Variants in ETS1 observed in about 807,000 individuals in gnomAD.
The protein encoded by ETS1 is ETS proto-oncogene 1, transcription factor.
A neutral mutation model predicts 58.6 loss-of-function variants in ETS1; 15 were observed. The ratio of observed to expected loss-of-function variants is 0.26; its 90% CI spans 0.17 to 0.39. The LOEUF (loss-of-function observed/expected upper bound fraction) is 0.39. Ranked by LOEUF, ETS1 falls within the 10% of genes least tolerant of loss-of-function variation. ETS1 has a pLI of 1.00. For missense variants in ETS1, 417 were observed against 610.5 expected (o/e 0.68, Z 3.34); for synonymous variants, 214 against 218.2 (o/e 0.98, Z 0.17).
intron 3 of ETS1, among the ~76,000 whole-genome samples, chr11:128,533,529 C>T (rs1484574820): frequency 6.6e-6 from 1 of 152,236 alleles, no homozygotes; most frequent in East Asian, 1.9e-4. Flanking sequence ...GGACCCTGCT[C>T]TCTGACAATC....
In ETS1 at chr11:128,547,823, C is replaced by T. The variant is rs546849339; in HGVS notation, c.214+8468G>A. Among the ~76,000 whole-genome samples, 6 of 152,016 alleles carry T rather than the reference C, an allele frequency of 3.9e-5. No homozygotes were observed. In the South Asian group the frequency reaches 1.2e-3, roughly 32 times the overall value. On this transcript the variant is annotated intron_variant, in intron 3 of 9. Coordinates refer to ENST00000392668, the MANE Select transcript of ETS1 (RefSeq NM_001143820.2). ...AATAGGGATGATGGGGAGGGTGTGG[C>T]CAACTGACTAGATCAAGATGTGGGG...
intron 3 of ETS1, chr11:128,522,014 G>T (rs764293269): frequency 1.3e-6 from 2 of 1,571,960 alleles, no homozygotes; most frequent in East Asian, 2.4e-5. Context: ...AGTGGGGGAC[G>T]TACGGGATGG....
intron 3 of ETS1, among the ~76,000 whole-genome samples, chr11:128,495,127 C>G (rs560880854): frequency 8.5e-4 from 129 of 152,264 alleles, no homozygotes; most frequent in African/African-American, 3.0e-3. Flanking sequence ...GTCCCCATTT[C>G]ACAGATGAGG....
At chr11:128,471,205 C>T (rs569859903) in intron 8 of ETS1, among the ~76,000 whole-genome samples, 1 of 152,334 alleles carries the variant, frequency 6.6e-6, no homozygotes, top group African/African-American at 2.4e-5. Flanking sequence ...GTCCAGCCAT[C>T]AGGGCCCAAG....
chr11:128,529,353 G>A (rs557922598), intron 3 of ETS1, among the ~76,000 whole-genome samples: 28 of 152,282 alleles, frequency 1.8e-4, no homozygotes, highest in African/African-American at 4.8e-4. Flanking sequence ...GGGACATGGG[G>A]ATGGGCTGAG....
chr11:128,506,816 T>C (rs532961810), intron 3 of ETS1, among the ~76,000 whole-genome samples: 91 of 152,264 alleles, frequency 6.0e-4, no homozygotes, highest in African/African-American at 2.0e-3. Context: ...GGACCACTTA[T>C]GTGAGGACTA....
intron 8 of ETS1, among the ~76,000 whole-genome samples, chr11:128,471,329 C>G (rs1862182370): frequency 6.6e-6 from 1 of 152,230 alleles, no homozygotes; most frequent in South Asian, 2.1e-4. Context: ...GAGAACAAGA[C>G]AGTTACACAT....
intron 3 of ETS1, among the ~76,000 whole-genome samples, chr11:128,521,567 C>T (rs1863670131): frequency 6.6e-6 from 1 of 152,170 alleles, no homozygotes; most frequent in South Asian, 2.1e-4. Flanking sequence ...TCCATCTCCC[C>T]TTAACATTAA....
chr11:128,497,923 T>G (rs1355378057), intron 3 of ETS1, among the ~76,000 whole-genome samples: 1 of 148,608 alleles, frequency 6.7e-6, no homozygotes, highest in Admixed American at 6.6e-5. Flanking sequence ...AGCTAAATTT[T>G]CTCGCTCATT....
At chr11:128,575,056 C>T (rs1272183755) in intron 1 of ETS1, among the ~76,000 whole-genome samples, 4 of 152,202 alleles carry the variant, frequency 2.6e-5, no homozygotes, top group African/African-American at 9.7e-5. Context: ...CAAGGATCTC[C>T]TGAGTCCTCA....
chr11:128,518,619 C>T (rs1863584992), intron 3 of ETS1, among the ~76,000 whole-genome samples: 1 of 152,204 alleles, frequency 6.6e-6, no homozygotes, highest in Admixed American at 6.5e-5. Flanking sequence ...GCTCCAGAGT[C>T]TCTGCTCTGA....
chr11:128,536,017 A>T (rs1863967939), intron 3 of ETS1, among the ~76,000 whole-genome samples: 1 of 152,238 alleles, frequency 6.6e-6, no homozygotes, highest in Non-Finnish European at 1.5e-5. Context: ...ATAATGGATT[A>T]AAAGCTGTAA....
intron 3 of ETS1, among the ~76,000 whole-genome samples, chr11:128,491,838 G>C (rs1469619340): frequency 6.6e-6 from 1 of 152,226 alleles, no homozygotes; most frequent in Non-Finnish European, 1.5e-5. Context: ...TAGTGAAGAA[G>C]AGTGAGGCAT....
chr11:128,503,653 A>G (rs1269109438), intron 3 of ETS1, among the ~76,000 whole-genome samples: 1 of 152,154 alleles, frequency 6.6e-6, no homozygotes, highest in Non-Finnish European at 1.5e-5. Flanking sequence ...CTTCATTCAA[A>G]CACTGCTTCC....
chr11:128,506,966 G>A (rs1027657043), intron 3 of ETS1, among the ~76,000 whole-genome samples: 2 of 152,286 alleles, frequency 1.3e-5, no homozygotes, highest in Middle Eastern at 6.8e-3. Flanking sequence ...AGATTCTCAA[G>A]GGGAAGAAGT....
chr11:128,529,857 G>C (rs1356903700), intron 3 of ETS1, among the ~76,000 whole-genome samples: 2 of 152,074 alleles, frequency 1.3e-5, no homozygotes, highest in Non-Finnish European at 2.9e-5. Context: ...ATGAATCCTA[G>C]CTTCACCAAT....
chr11:128,536,486 T>C (rs1335460295), intron 3 of ETS1: 5 of 152,152 alleles, frequency 3.3e-5, no homozygotes, highest in Non-Finnish European at 4.4e-5. Context: ...TCATGAGATA[T>C]TGGGTACAAG....
intron 3 of ETS1, among the ~76,000 whole-genome samples, chr11:128,533,420 A>G (rs1469865180): frequency 6.6e-6 from 1 of 151,984 alleles, no homozygotes; most frequent in Non-Finnish European, 1.5e-5. Context: ...TCCCTTAGAT[A>G]CTCCTCACCG....
At position 128,463,447 on chromosome 11, in the gene ETS1, C is replaced by A; in HGVS notation, c.1242+62G>T. On this transcript the variant is annotated intron_variant, in intron 9 of 9. Transcript: ENST00000392668. The surrounding 1 kb of genome is among the most constrained non-coding windows in gnomAD (Gnocchi z 4.1). ...ACACGTCATTCAGGCCCACGCCACC[C>A]CTTCCAGGAGTTTTCTCTCATCCTT... The A allele has an allele frequency of 5.1e-6, 5 of 972,604 alleles. No homozygotes were observed. In the South Asian group the frequency reaches 5.3e-5, roughly 10 times the overall value. 60.2% of individuals were successfully genotyped at this position (972,604 alleles called of 1,614,324 possible). A position where few individuals can be genotyped will look rare whatever the true frequency, so the allele number is the denominator to read the frequency against.
Sources: gnomAD v4.1 joint callset for allele counts (sites outside exome capture counted in the v4.1 genomes callset) on GRCh38, gnomAD v4.1.1 for gene constraint, Gnocchi (gnomAD v3.1) non-coding constraint, MANE v1.5 for transcripts, NCBI Gene and HGNC (gene_info 2026-07-23, HGNC 2026-07-21) for gene names.